Variants in GFRA2 observed in about 807,000 individuals in gnomAD.
GFRA2 encodes the protein GDNF family receptor alpha-2.
Under a neutral mutation model 48.3 loss-of-function variants are expected in GFRA2, and 17 were observed. The ratio of observed to expected loss-of-function variants is 0.35; its 90% CI spans 0.24 to 0.53. GFRA2 has a LOEUF of 0.53. Among genes scored for constraint, GFRA2 ranks in the 20% least tolerant of loss-of-function variants. The pLI is 0.93. For synonymous variants in GFRA2, 305 were observed against 257.2 expected (o/e 1.19, Z -1.78); for missense variants, 660 against 637.3 (o/e 1.04, Z -0.38).
chr8:21,781,329 C>T (rs577875211), intron 2 of GFRA2, among the ~76,000 whole-genome samples: 10 of 152,214 alleles, frequency 6.6e-5, no homozygotes, highest in African/African-American at 2.4e-4. Flanking sequence ...TCCCCACTTC[C>T]ACCACCACCC....
intron 8 of GFRA2, 104 bp downstream of exon 8, chr8:21,694,360 C>T: frequency 8.9e-7 from 1 of 1,119,758 alleles, no homozygotes; most frequent in Non-Finnish European, 1.3e-6. Context: ...TGGCCCAGCC[C>T]ATGCGATGAG....
At chr8:21,786,973 G>T (rs1029748363) in intron 1 of GFRA2, among the ~76,000 whole-genome samples, 1 of 152,110 alleles carries the variant, frequency 6.6e-6, no homozygotes, top group East Asian at 1.9e-4. Flanking sequence ...TGAAGCAGAC[G>T]TGTGCTCCTT....
chr8:21,805,471 G>A (rs1332042597), intron 1 of GFRA2, among the ~76,000 whole-genome samples: 2 of 152,240 alleles, frequency 1.3e-5, no homozygotes, highest in Admixed American at 6.5e-5. Context: ...GATGGCCCCA[G>A]TATATGTTAC....
chr8:21,710,384 G>T (rs1009973639), intron 4 of GFRA2, among the ~76,000 whole-genome samples: 1 of 152,220 alleles, frequency 6.6e-6, no homozygotes, highest in Non-Finnish European at 1.5e-5. Context: ...TTTCCCTGGC[G>T]TCTGATACAG....
chr8:21,703,441 C>A (rs1486381479), intron 6 of GFRA2, among the ~76,000 whole-genome samples: 1 of 152,048 alleles, frequency 6.6e-6, no homozygotes, highest in East Asian at 1.9e-4. Context: ...CCACATTCAG[C>A]CCTCTGCCCA....
intron 1 of GFRA2, among the ~76,000 whole-genome samples, chr8:21,785,081 A>T (rs930412143): frequency 1.2e-4 from 19 of 152,312 alleles, no homozygotes; most frequent in African/African-American, 3.4e-4. Flanking sequence ...CTGCACTGTC[A>T]TGGGGGCCTG....
At chr8:21,757,337 C>G (rs1805619501) in intron 3 of GFRA2, among the ~76,000 whole-genome samples, 3 of 152,156 alleles carry the variant, frequency 2.0e-5, no homozygotes, top group African/African-American at 7.2e-5. Flanking sequence ...GCCCCCACCC[C>G]CAGCAGGCAG....
intron 4 of GFRA2, among the ~76,000 whole-genome samples, chr8:21,719,019 C>T (rs893373766): frequency 3.3e-5 from 5 of 151,978 alleles, no homozygotes; most frequent in African/African-American, 7.3e-5. Flanking sequence ...CCTCCTTGGC[C>T]CCCCCTTGCC....
At chr8:21,703,572 G>C (rs531573953) in intron 6 of GFRA2, among the ~76,000 whole-genome samples, 1 of 152,122 alleles carries the variant, frequency 6.6e-6, no homozygotes, top group Non-Finnish European at 1.5e-5. Flanking sequence ...TCTAAGCCTG[G>C]GCTAGGCGTC....
chr8:21,764,175 T>C (rs1326547238), intron 3 of GFRA2, among the ~76,000 whole-genome samples: 3 of 152,076 alleles, frequency 2.0e-5, no homozygotes, highest in Non-Finnish European at 4.4e-5. Flanking sequence ...ATCACAGAAA[T>C]TTATTTCTCA....
upstream of GFRA2, chr8:21,790,174 C>T (rs958878541): frequency 1.3e-5 from 11 of 858,658 alleles, no homozygotes; most frequent in Non-Finnish European, 1.5e-5. Context: ...CGGTCACGTT[C>T]CGGCGAGAGC....
chr8:21,739,548 G>T (rs560883817), intron 4 of GFRA2, among the ~76,000 whole-genome samples: 2 of 152,150 alleles, frequency 1.3e-5, no homozygotes, highest in Non-Finnish European at 2.9e-5. Context: ...CCTGCATGAG[G>T]CCTCTGAGTC....
chr8:21,722,997 G>C (rs758009505), intron 4 of GFRA2, among the ~76,000 whole-genome samples: 4 of 152,190 alleles, frequency 2.6e-5, no homozygotes, highest in African/African-American at 7.2e-5. Flanking sequence ...CCAGGGAGAG[G>C]AGGCAGTCAC....
chr8:21,721,785 G>T (rs1475899777), intron 4 of GFRA2, among the ~76,000 whole-genome samples: 4 of 152,116 alleles, frequency 2.6e-5, no homozygotes, highest in Non-Finnish European at 2.9e-5. Flanking sequence ...GCTGGAGCCT[G>T]CCCACCACAT....
In GFRA2 at chr8:21,782,892, G is replaced by A. The variant is rs1807082248; in HGVS notation, c.48C>T (p.Thr16=). Residue 16 remains threonine, a synonymous_variant, in exon 2 of 9, where the codon ACC becomes ACT. Coordinates refer to ENST00000524240, the MANE Select transcript of GFRA2 (RefSeq NM_001495.5). ...VFCLFFFLDE[T]LRSLASPSSL... ...AGGAAGGGCTGGCCAAAGAGCGGAGGGTCTCGTCTGGGTGGTGGGGAGGGA... is the reference window on the plus strand; with the variant it reads ...AGGAAGGGCTGGCCAAAGAGCGGAGAGTCTCGTCTGGGTGGTGGGGAGGGA... 7 of 1,554,242 alleles carry A rather than the reference G, an allele frequency of 4.5e-6. No homozygotes were observed. Among genetic ancestry groups the A allele is most frequent in the African/African-American group, 4.1e-5 (3 of 73,960 alleles).
At chr8:21,734,911 C>T (rs1804374784) in intron 4 of GFRA2, among the ~76,000 whole-genome samples, 1 of 152,224 alleles carries the variant, frequency 6.6e-6, no homozygotes, top group Non-Finnish European at 1.5e-5. Context: ...AAACCTGCCT[C>T]CCATTCTATT....
chr8:21,801,925 C>T (rs1312590376), intron 2 of GFRA2, among the ~76,000 whole-genome samples: 1 of 152,194 alleles, frequency 6.6e-6, no homozygotes, highest in Non-Finnish European at 1.5e-5. Context: ...AGAAAGGCAT[C>T]CTTTCTGTCC....
rs371003814 is a variant in GFRA2, at chr8:21,752,696, C to T, written c.440-1754G>A. ...CTAGCTGCAAGCCTAATACCCAAAT[C>T]TCACACTTGACACATCCAAACCCAA... On this transcript the variant is annotated intron_variant, in intron 3 of 8. Coordinates refer to ENST00000524240, the MANE Select transcript of GFRA2 (RefSeq NM_001495.5). Among the ~76,000 whole-genome samples the T allele has an allele frequency of 1.4e-4, 22 of 152,256 alleles. 1 individual carries two copies. The highest frequency in any genetic ancestry group is 1.0e-3 in the South Asian group (5 of 4,824).
At position 21,782,897 on chromosome 8, in the gene GFRA2, C is replaced by G; in HGVS notation, c.43G>C (p.Glu15Gln). 2 of 1,551,384 alleles carry G rather than the reference C, an allele frequency of 1.3e-6. No individual in the cohort carries two copies. The highest frequency in any genetic ancestry group is 1.7e-4 in the Middle Eastern group (1 of 6,010). ...NVFCLFFFLD[E>Q]TLRSLASPSS... ...GGGCTGGCCAAAGAGCGGAGGGTCT[C>G]GTCTGGGTGGTGGGGAGGGAAGACA... The change falls in exon 2 of 9, where the codon GAG becomes CAG. Residue 15 changes from glutamate to glutamine, a missense_variant and splice_region_variant. Transcript: ENST00000524240.
Sources: allele counts gnomAD v4.1 joint callset (sites outside exome capture counted in the v4.1 genomes callset), GRCh38; gene constraint gnomAD v4.1.1; transcripts MANE v1.5; gene names NCBI Gene and HGNC (gene_info 2026-07-23, HGNC 2026-07-21).